The following ZNF804A variants were observed in gnomAD, a reference collection of about 807,000 sequenced individuals.
ZNF804A encodes zinc finger protein 804A.
Under a neutral mutation model 16.5 loss-of-function variants are expected in ZNF804A, and 2 were observed. That is an observed-to-expected ratio of 0.12 (90% CI 0.05 to 0.38). ZNF804A has a LOEUF of 0.38. ZNF804A is among the 10% of genes least tolerant of loss of function. The probability of loss-of-function intolerance (pLI) is 0.99; values close to 1 mark genes in which losing one functional copy is unlikely to be tolerated. For missense variants in ZNF804A, 1,473 were observed against 1,390.7 expected (o/e 1.06, Z -0.94); for synonymous variants, 534 against 489.6 (o/e 1.09, Z -1.20).
chr2:184,745,417 T>G (rs1040798128), intron 1 of ZNF804A, among the ~76,000 whole-genome samples: 6 of 151,692 alleles, frequency 4.0e-5, no homozygotes, highest in African/African-American at 1.2e-4. Flanking sequence ...AATTAGGAGA[T>G]TAATAATTTT....
At chr2:184,806,361 T>C (rs1243699804) in intron 1 of ZNF804A, among the ~76,000 whole-genome samples, 1 of 151,952 alleles carries the variant, frequency 6.6e-6, no homozygotes, top group Non-Finnish European at 1.5e-5. Context: ...TTAGAATGCA[T>C]ACAATTTTAG....
At chr2:184,724,628 T>A (rs549071525) in intron 1 of ZNF804A, among the ~76,000 whole-genome samples, 12 of 151,708 alleles carry the variant, frequency 7.9e-5, no homozygotes, top group Non-Finnish European at 1.5e-4. Flanking sequence ...ATTGGCAAAC[T>A]CTTGCTAAAC....
chr2:184,611,502 G>A (rs1574130693), intron 1 of ZNF804A, among the ~76,000 whole-genome samples: 1 of 152,090 alleles, frequency 6.6e-6, no homozygotes, highest in African/African-American at 2.4e-5. Flanking sequence ...ATCAGTCATT[G>A]CTGTGACTCA....
At chr2:184,679,350 A>C (rs931912187) in intron 1 of ZNF804A, among the ~76,000 whole-genome samples, 4 of 152,214 alleles carry the variant, frequency 2.6e-5, no homozygotes, top group African/African-American at 9.6e-5. Context: ...AGCCATTGCA[A>C]AGATGCCAGC....
chr2:184,894,493 G>A (rs1243041043), intron 2 of ZNF804A, among the ~76,000 whole-genome samples: 1 of 151,140 alleles, frequency 6.6e-6, no homozygotes, highest in Non-Finnish European at 1.5e-5. Context: ...AATTCTGTTG[G>A]CTTGTTTTTA....
intron 1 of ZNF804A, among the ~76,000 whole-genome samples, chr2:184,844,602 C>A (rs1695486405): frequency 1.4e-5 from 2 of 146,302 alleles, no homozygotes; most frequent in East Asian, 2.0e-4. Context: ...ATAGGTAACA[C>A]TTTTTTTTTT....
chr2:184,630,919 G>C (rs1202776623), intron 1 of ZNF804A, among the ~76,000 whole-genome samples: 1 of 151,998 alleles, frequency 6.6e-6, no homozygotes, highest in African/African-American at 2.4e-5. Context: ...AAACTTGAAA[G>C]AGAAGTATTT....
chr2:184,875,225 G>GC (rs1264137497), intron 2 of ZNF804A, among the ~76,000 whole-genome samples: 1 of 152,204 alleles, frequency 6.6e-6, no homozygotes, highest in African/African-American at 2.4e-5. Flanking sequence ...ATAGAGTTTA[G>GC]ATATTTTTGC....
At chr2:184,890,826 G>T (rs1476381266) in intron 2 of ZNF804A, among the ~76,000 whole-genome samples, 10 of 149,914 alleles carry the variant, frequency 6.7e-5, no homozygotes, top group Admixed American at 6.7e-4. Flanking sequence ...TTCTATATCT[G>T]GTTCATTATA....
intron 1 of ZNF804A, among the ~76,000 whole-genome samples, chr2:184,704,935 C>T (rs1692998535): frequency 1.3e-5 from 2 of 152,112 alleles, no homozygotes; most frequent in Admixed American, 6.5e-5. Flanking sequence ...AAGAATAGTT[C>T]TCAAATTACA....
intron 1 of ZNF804A, among the ~76,000 whole-genome samples, chr2:184,838,407 T>A (rs1695386493): frequency 6.6e-6 from 1 of 152,044 alleles, no homozygotes; most frequent in Non-Finnish European, 1.5e-5. Flanking sequence ...TATGAAGTTG[T>A]TATGAGAAGT....
chr2:184,793,547 G>T (rs1051517531), intron 1 of ZNF804A, among the ~76,000 whole-genome samples: 1 of 152,038 alleles, frequency 6.6e-6, no homozygotes, highest in Non-Finnish European at 1.5e-5. Context: ...TTTTTCATAT[G>T]ACTGTTGGCC....
intron 1 of ZNF804A, among the ~76,000 whole-genome samples, chr2:184,772,848 TG>T (rs1228188681): frequency 1.3e-5 from 2 of 151,088 alleles, no homozygotes; most frequent in East Asian, 4.0e-4. Context: ...GGATGTGACA[TG>T]GTATTTCACT....
At chr2:184,611,120 T>A (rs959714201) in intron 1 of ZNF804A, among the ~76,000 whole-genome samples, 1 of 152,164 alleles carries the variant, frequency 6.6e-6, no homozygotes, top group Admixed American at 6.5e-5. Context: ...ATAGTCAGAC[T>A]TCTTCCCATA....
intron 2 of ZNF804A, among the ~76,000 whole-genome samples, chr2:184,917,234 A>G (rs1173340900): frequency 6.6e-6 from 1 of 152,178 alleles, no homozygotes; most frequent in Non-Finnish European, 1.5e-5. Flanking sequence ...AAATAAATGT[A>G]ATAACAAGGT....
At chr2:184,661,496 G>A (rs1229766233) in intron 1 of ZNF804A, among the ~76,000 whole-genome samples, 1 of 152,244 alleles carries the variant, frequency 6.6e-6, no homozygotes, top group Non-Finnish European at 1.5e-5. Flanking sequence ...TCTCAGCTGT[G>A]AGAGAGGACC....
At chr2:184,898,199 T>G (rs1016470075) in intron 2 of ZNF804A, among the ~76,000 whole-genome samples, 9 of 152,156 alleles carry the variant, frequency 5.9e-5, no homozygotes, top group Non-Finnish European at 1.3e-4. Flanking sequence ...TAAAGAATGG[T>G]AGAGCATTAG....
intron 1 of ZNF804A, among the ~76,000 whole-genome samples, chr2:184,751,871 CA>C (rs571797076): frequency 6.6e-6 from 1 of 150,738 alleles, no homozygotes; most frequent in African/African-American, 2.4e-5. Context: ...ACAAACACCA[CA>C]AAAAAAATGC....
intron 1 of ZNF804A, among the ~76,000 whole-genome samples, chr2:184,618,086 A>T (rs965550899): frequency 6.6e-6 from 1 of 152,060 alleles, no homozygotes; most frequent in Non-Finnish European, 1.5e-5. Context: ...AGTTTATCTC[A>T]CAAGTAATGA....
Sources: allele counts gnomAD v4.1 joint callset (sites outside exome capture counted in the v4.1 genomes callset), GRCh38; gene constraint gnomAD v4.1.1; transcripts MANE v1.5; gene names NCBI Gene and HGNC (gene_info 2026-07-23, HGNC 2026-07-21).